The following OTOGL variants were observed in gnomAD, a reference collection of about 807,000 sequenced individuals.
OTOGL encodes the protein otogelin-like protein.
OTOGL carries 285 observed loss-of-function variants against 318.5 expected under a neutral mutation model. The observed-to-expected ratio is 0.89, with a 90% CI of 0.81 to 0.99. The LOEUF (loss-of-function observed/expected upper bound fraction) is 0.99. OTOGL is among the 50% of genes least tolerant of loss of function. The probability of loss-of-function intolerance (pLI) is 0.00; values close to 1 mark genes in which losing one functional copy is unlikely to be tolerated. For synonymous variants in OTOGL, 987 were observed against 936.5 expected (o/e 1.05, Z -0.99); for missense variants, 2,899 against 2,845.6 (o/e 1.02, Z -0.43).
intron 14 of OTOGL, among the ~76,000 whole-genome samples, chr12:80,254,214 C>G (rs1362027219): frequency 6.6e-6 from 1 of 151,988 alleles, no homozygotes; most frequent in Non-Finnish European, 1.5e-5. Flanking sequence ...GAGGAGATCT[C>G]TTCTCTCTTT....
At chr12:80,158,787 GT>G (rs1231064069) in intron 1 of OTOGL, among the ~76,000 whole-genome samples, 9 of 152,052 alleles carry the variant, frequency 5.9e-5, no homozygotes, top group Admixed American at 5.9e-4. Flanking sequence ...AACAGTGAGA[GT>G]TTGACTTCCT....
chr12:80,332,862 A>G (rs943196195), intron 37 of OTOGL, 143 bp from the exon 38 acceptor site: 7 of 654,638 alleles, frequency 1.1e-5, no homozygotes, highest in Middle Eastern at 4.2e-4. Context: ...TGTCGATACT[A>G]TTATTACCAA....
At chr12:80,170,093 A>C (rs1410959333) in intron 1 of OTOGL, among the ~76,000 whole-genome samples, 1 of 152,122 alleles carries the variant, frequency 6.6e-6, no homozygotes, top group African/African-American at 2.4e-5. Context: ...ACAATTTTCC[A>C]GAGTGGTTAT....
At chr12:80,230,552 G>A (rs972504479) in intron 8 of OTOGL, among the ~76,000 whole-genome samples, 2 of 152,096 alleles carry the variant, frequency 1.3e-5, no homozygotes, top group Non-Finnish European at 2.9e-5. Context: ...TGATTTTCAA[G>A]AATATTATTT....
chr12:80,145,930 A>G lies in OTOGL; in HGVS notation c.-20+46325A>G, dbSNP rs548418955. 2.4e-3 allele frequency among the ~76,000 whole-genome samples: 343 copies of G among 140,918 alleles called. 7 individuals are homozygous for G. The South Asian group carries it at 0.024, about 10-fold the overall frequency. The allele number at this position is 140,918 out of a possible 152,430, so 92.4% of individuals were successfully genotyped here. On this transcript the variant is annotated intron_variant, in intron 1 of 58. Transcript: ENST00000547103. ...TTTTGTATCCTGAGACTTTGCTGAA[A>G]TTGCTTATCAGCTGAAGGAGATTTT...
chr12:80,238,063 T>A (rs1313501292), intron 9 of OTOGL, among the ~76,000 whole-genome samples: 1 of 152,184 alleles, frequency 6.6e-6, no homozygotes, highest in Admixed American at 6.6e-5. Context: ...TCCCTGAACT[T>A]GTTCTCAGAT....
chr12:80,283,299 G>C (rs988992739), intron 26 of OTOGL, among the ~76,000 whole-genome samples: 34 of 151,972 alleles, frequency 2.2e-4, no homozygotes, highest in African/African-American at 8.0e-4. Flanking sequence ...TTCCAATAGC[G>C]TCATAAAGTC....
intron 1 of OTOGL, among the ~76,000 whole-genome samples, chr12:80,116,266 T>TGGCAAAGTCCCTCAC (rs1870156820): frequency 6.6e-6 from 1 of 152,056 alleles, no homozygotes; most frequent in South Asian, 2.1e-4. Context: ...CCATCCCTCA[T>TGGCAAAGTCCCTCAC]GGCACAGTCC....
chr12:80,159,488 T>A (rs1565883045), intron 1 of OTOGL, among the ~76,000 whole-genome samples: 3 of 152,004 alleles, frequency 2.0e-5, no homozygotes, highest in Admixed American at 6.6e-5. Flanking sequence ...GTCTTTTTTT[T>A]ATTACCATTT....
At chr12:80,313,658 T>C in intron 31 of OTOGL, 26 bp downstream of exon 31, 1 of 1,573,750 alleles carries the variant, frequency 6.4e-7, no homozygotes, top group Non-Finnish European at 8.7e-7. Flanking sequence ...AGAACATCAT[T>C]ATGTAGAGAA....
Position 80,112,990 on chromosome 12 carries a change from G to A in OTOGL, c.-20+13385G>A, listed in dbSNP as rs1473738839. ...CTTCCTGGTTTAGTCTTGGGAAGGT[G>A]TATGTGTCAGGAATTTATCCACTTC... is the stretch of plus-strand genomic sequence containing the variant. On this transcript the variant is annotated intron_variant, in intron 1 of 58. Coordinates refer to ENST00000547103, the MANE Select transcript of OTOGL (RefSeq NM_001378609.3). Among the ~76,000 whole-genome samples, 13 of 152,238 alleles carry A rather than the reference G, an allele frequency of 8.5e-5. No individual in the cohort carries two copies. In the East Asian group the frequency reaches 2.1e-3, roughly 25 times the overall value.
At chr12:80,276,206 C>T (rs1390474399) in intron 24 of OTOGL, among the ~76,000 whole-genome samples, 1 of 151,706 alleles carries the variant, frequency 6.6e-6, no homozygotes, top group African/African-American at 2.4e-5. Flanking sequence ...CTCACTTAAA[C>T]AACTGAACAA....
intron 6 of OTOGL, 51 bp from the exon 7 acceptor site, chr12:80,222,040 A>G: frequency 3.9e-6 from 6 of 1,523,306 alleles, no homozygotes; most frequent in Non-Finnish European, 5.3e-6. Context: ...GAACATTGCT[A>G]GAAACGTGTA....
At chr12:80,269,414 T>C (rs76581825) in intron 22 of OTOGL, among the ~76,000 whole-genome samples, 11,336 of 152,264 alleles carry the variant, frequency 0.074, 501 homozygotes, top group Middle Eastern at 0.11. Flanking sequence ...CTATCTTCAA[T>C]GCTGCTGCCA....
At chr12:80,141,680 G>C (rs1211177813) in intron 1 of OTOGL, among the ~76,000 whole-genome samples, 3 of 152,042 alleles carry the variant, frequency 2.0e-5, no homozygotes, top group Non-Finnish European at 4.4e-5. Flanking sequence ...TTGTTCCTGG[G>C]ATCTCTGAGA....
intron 17 of OTOGL, 126 bp downstream of exon 17, chr12:80,256,586 T>C: frequency 1.5e-6 from 2 of 1,344,896 alleles, no homozygotes; most frequent in Non-Finnish European, 2.0e-6. Flanking sequence ...TTTATAGAGT[T>C]TGTATGTGTC....
intron 1 of OTOGL, among the ~76,000 whole-genome samples, chr12:80,151,813 C>A (rs149962280): frequency 6.6e-6 from 1 of 152,310 alleles, no homozygotes; most frequent in Non-Finnish European, 1.5e-5. Context: ...GGCCCTTTAA[C>A]TTAGAAGACA....
intron 11 of OTOGL, among the ~76,000 whole-genome samples, chr12:80,249,209 G>C (rs1433595911): frequency 6.7e-6 from 1 of 148,624 alleles, no homozygotes; most frequent in Non-Finnish European, 1.5e-5. Flanking sequence ...TGCTGGTGAG[G>C]AACTGCGTTC....
At position 80,336,790 on chromosome 12, in the gene OTOGL, T is replaced by C; in HGVS notation, c.4744-7T>C. 1 of 1,518,476 alleles carries C rather than the reference T, an allele frequency of 6.6e-7. No individual in the cohort carries two copies. The highest frequency in any genetic ancestry group is 8.9e-7 in the Non-Finnish European group (1 of 1,122,054). 94.1% of individuals were successfully genotyped at this position (1,518,476 alleles called of 1,614,324 possible). A position where few individuals can be genotyped will look rare whatever the true frequency, so the allele number is the denominator to read the frequency against. On this transcript the variant is annotated splice_region_variant and splice_polypyrimidine_tract_variant and intron_variant, in intron 40 of 58. Transcript: ENST00000547103. ...GCATTTAAAAGTATTTCTTTTTTTT[T>C]TTCCAGAATGGAAACTCCTTAAAAA...
Sources: allele counts gnomAD v4.1 joint callset (sites outside exome capture counted in the v4.1 genomes callset), GRCh38; gene constraint gnomAD v4.1.1; transcripts MANE v1.5; gene names NCBI Gene and HGNC (gene_info 2026-07-23, HGNC 2026-07-21).